The following GLT1D1 variants were observed in gnomAD, a reference collection of about 807,000 sequenced individuals.
GLT1D1 encodes glycosyltransferase 1 domain-containing protein 1.
Under a neutral mutation model 28.7 loss-of-function variants are expected in GLT1D1, and 21 were observed. That is an observed-to-expected ratio of 0.73 (90% CI 0.52 to 1.05). The LOEUF is 1.05. Ranked by LOEUF, GLT1D1 falls within the 50% of genes least tolerant of loss-of-function variation. The probability of loss-of-function intolerance (pLI) is 0.00; values close to 1 mark genes in which losing one functional copy is unlikely to be tolerated. For missense variants in GLT1D1, 343 were observed against 330.6 expected, an observed-to-expected ratio of 1.04 and a Z score of -0.29; for synonymous variants, 147 against 124.8, an observed-to-expected ratio of 1.18 and a Z score of -1.19.
intron 1 of GLT1D1, among the ~76,000 whole-genome samples, chr12:128,869,072 T>G (rs1956619342): frequency 6.6e-6 from 1 of 152,210 alleles, no homozygotes; most frequent in South Asian, 2.1e-4. Context: ...TTTCTCCATG[T>G]TGATTAGGCT....
intron 1 of GLT1D1, among the ~76,000 whole-genome samples, chr12:128,870,481 T>C (rs987105326): frequency 6.6e-6 from 1 of 152,140 alleles, no homozygotes; most frequent in African/African-American, 2.4e-5. Context: ...CCTTTTTAAA[T>C]CAAATCAGAA....
intron 4 of GLT1D1, among the ~76,000 whole-genome samples, chr12:128,905,510 CT>C (rs1870757608): frequency 6.6e-6 from 1 of 152,228 alleles, no homozygotes; most frequent in Admixed American, 6.5e-5. Context: ...GAAATGTTGT[CT>C]TGGGAGCTGG....
intron 6 of GLT1D1, among the ~76,000 whole-genome samples, chr12:128,954,506 T>C (rs2135509004): frequency 6.6e-6 from 1 of 152,258 alleles, no homozygotes; most frequent in Non-Finnish European, 1.5e-5. Context: ...TCACTTGGGA[T>C]TTATGGGTGT....
At chr12:128,854,998 G>GAGGA (rs111532821) in intron 1 of GLT1D1, among the ~76,000 whole-genome samples, 58 of 152,248 alleles carry the variant, frequency 3.8e-4, no homozygotes, top group Middle Eastern at 3.4e-3. Flanking sequence ...GTTTAGCAGT[G>GAGGA]AGGAGCCCTT....
At chr12:128,902,237 A>C (rs1351786379) in intron 4 of GLT1D1, among the ~76,000 whole-genome samples, 1 of 151,228 alleles carries the variant, frequency 6.6e-6, no homozygotes, top group African/African-American at 2.4e-5. Context: ...TAATCCCAGC[A>C]CTTTGGGAGG....
intron 2 of GLT1D1, among the ~76,000 whole-genome samples, chr12:128,885,671 G>C (rs956379932): frequency 1.3e-5 from 2 of 152,180 alleles, no homozygotes; most frequent in African/African-American, 4.8e-5. Context: ...TCTCCAGATA[G>C]GTCAAATTAG....
chr12:128,965,178 C>T (rs944301924), intron 7 of GLT1D1, among the ~76,000 whole-genome samples: 2 of 152,174 alleles, frequency 1.3e-5, no homozygotes, highest in African/African-American at 2.4e-5. Context: ...GGCCTGACCT[C>T]GTCATCAGAG....
chr12:128,874,154 CTTTCTT>C (rs1566091646), intron 1 of GLT1D1, among the ~76,000 whole-genome samples: 8 of 117,356 alleles, frequency 6.8e-5, no homozygotes, highest in African/African-American at 2.6e-4. Flanking sequence ...TTCTTTCTTT[CTTTCTT>C]TCTTTCTTTC....
intron 4 of GLT1D1, among the ~76,000 whole-genome samples, chr12:128,932,804 G>T (rs1874074458): frequency 6.6e-6 from 1 of 151,906 alleles, no homozygotes; most frequent in Non-Finnish European, 1.5e-5. Context: ...ATCCGGCTCT[G>T]GGCACGACCC....
chr12:128,976,979 C>T (rs1315177401), intron 7 of GLT1D1, among the ~76,000 whole-genome samples: 1 of 152,226 alleles, frequency 6.6e-6, no homozygotes, highest in Admixed American at 6.5e-5. Flanking sequence ...AACCCTGTCT[C>T]TACTGAAAAA....
chr12:128,953,602 T>C (rs1255162271), intron 6 of GLT1D1, among the ~76,000 whole-genome samples: 1 of 152,244 alleles, frequency 6.6e-6, no homozygotes, highest in African/African-American at 2.4e-5. Context: ...TGTATTTCTC[T>C]CTAAGAATTT....
intron 1 of GLT1D1, among the ~76,000 whole-genome samples, chr12:128,864,626 G>A (rs116087613): frequency 0.011 from 1,607 of 152,320 alleles, 22 homozygotes; most frequent in African/African-American, 0.035. Context: ...ATGAGCAGGG[G>A]AGGAGAGAGT....
intron 3 of GLT1D1, among the ~76,000 whole-genome samples, chr12:128,893,566 G>T (rs1869304042): frequency 6.6e-6 from 1 of 151,926 alleles, no homozygotes; most frequent in African/African-American, 2.4e-5. Flanking sequence ...TAAGAAATGT[G>T]GTTTTTTAAT....
Position 128,889,900 on chromosome 12 carries a change from G to A in GLT1D1, c.323+1156G>A, listed in dbSNP as rs559568992. Among the ~76,000 whole-genome samples, 11 of 152,256 alleles carry A rather than the reference G, an allele frequency of 7.2e-5. No individual in the cohort carries two copies. The East Asian group carries it at 7.7e-4, about 11-fold the overall frequency. On this transcript the variant is annotated intron_variant, in intron 3 of 7. Coordinates refer to ENST00000281703, the MANE Select transcript of GLT1D1 (RefSeq NM_144669.3). ...GGCGATTCTTGTGCCTCAGGCTCCC[G>A]AGTAACTGGGATTATGGGCGCCTGC...
intron 1 of GLT1D1, among the ~76,000 whole-genome samples, chr12:128,874,262 A>G (rs1956819523): frequency 1.4e-5 from 2 of 147,894 alleles, no homozygotes; most frequent in African/African-American, 5.0e-5. Flanking sequence ...GCTCACTGCA[A>G]CGTTTGCCTC....
chr12:128,908,052 G>A (rs927196128), intron 4 of GLT1D1, among the ~76,000 whole-genome samples: 1 of 152,060 alleles, frequency 6.6e-6, no homozygotes, highest in Non-Finnish European at 1.5e-5. Flanking sequence ...CTTTTATTTT[G>A]TGAAGGGTCA....
intron 4 of GLT1D1, among the ~76,000 whole-genome samples, chr12:128,903,463 G>A (rs993724439): frequency 2.6e-5 from 4 of 151,808 alleles, no homozygotes; most frequent in African/African-American, 9.7e-5. Flanking sequence ...CTTTAATGCT[G>A]CCTTACAAGG....
chr12:128,892,651 G>A (rs950854239), intron 3 of GLT1D1, among the ~76,000 whole-genome samples: 29 of 152,100 alleles, frequency 1.9e-4, no homozygotes, highest in African/African-American at 4.6e-4. Context: ...CATAGCACAC[G>A]TTTCTGTAAA....
intron 2 of GLT1D1, among the ~76,000 whole-genome samples, chr12:128,882,809 T>G (rs1188855348): frequency 1.3e-5 from 2 of 152,212 alleles, no homozygotes; most frequent in Non-Finnish European, 2.9e-5. Context: ...CTTTCTGGAC[T>G]CTTTCCTATA....
Sources: gnomAD v4.1 joint callset for allele counts (sites outside exome capture counted in the v4.1 genomes callset) on GRCh38, gnomAD v4.1.1 for gene constraint, MANE v1.5 for transcripts, NCBI Gene and HGNC (gene_info 2026-07-23, HGNC 2026-07-21) for gene names.